The following ZNF438 variants were observed in gnomAD, a reference collection of about 807,000 sequenced individuals.
ZNF438 encodes the protein zinc finger protein 438.
A neutral mutation model predicts 38.0 loss-of-function variants in ZNF438; 25 were observed. The ratio of observed to expected loss-of-function variants is 0.66; its 90% CI spans 0.48 to 0.92. The LOEUF is 0.92. Among genes scored for constraint, ZNF438 ranks in the 40% least tolerant of loss-of-function variants. The probability of loss-of-function intolerance (pLI) is 0.00; values close to 1 mark genes in which losing one functional copy is unlikely to be tolerated. For missense variants in ZNF438, 1,007 were observed against 999.6 expected (o/e 1.01, Z -0.10); for synonymous variants, 372 against 364.1 (o/e 1.02, Z -0.25).
intron 4 of ZNF438, chr10:30,857,686 T>C (rs16932010): frequency 0.18 from 265,968 of 1,506,924 alleles, 25,194 homozygotes; most frequent in African/African-American, 0.3. Flanking sequence ...TTACTATCCA[T>C]AGGACTCTGA....
chr10:30,856,535 A>AC (rs1811172312), intron 4 of ZNF438, among the ~76,000 whole-genome samples: 2 of 152,166 alleles, frequency 1.3e-5, no homozygotes, highest in South Asian at 4.1e-4. Context: ...ATTCCACTAC[A>AC]CATTTACAAG....
intron 4 of ZNF438, among the ~76,000 whole-genome samples, chr10:30,864,586 C>T (rs1380946796): frequency 6.6e-6 from 1 of 152,212 alleles, no homozygotes; most frequent in Non-Finnish European, 1.5e-5. Context: ...GTCTCAGTCT[C>T]CAGATCAGCA....
At position 31,030,020 on chromosome 10, in the gene ZNF438, C is replaced by T. The variant is rs150721065; in HGVS notation, c.-192+1813G>A. Among the ~76,000 whole-genome samples the T allele has an allele frequency of 1.4e-3, 215 of 152,328 alleles. 1 individual carries two copies. The highest frequency in any genetic ancestry group is 2.1e-3 in the Non-Finnish European group (145 of 68,030). On this transcript the variant is annotated intron_variant, in intron 1 of 5. Transcript: ENST00000413025. ...TCTTAACCTTTCTGTGTGTCAGTTG[C>T]CTCATCTATGAAAGGGAGATACTAG...
intron 3 of ZNF438, among the ~76,000 whole-genome samples, chr10:30,901,141 T>C (rs2041928692): frequency 6.6e-6 from 1 of 151,980 alleles, no homozygotes; most frequent in East Asian, 1.9e-4. Context: ...CTTATAACAG[T>C]TATAACTGAA....
chr10:30,902,442 T>TCA (rs2042122837), intron 3 of ZNF438, among the ~76,000 whole-genome samples: 1 of 152,180 alleles, frequency 6.6e-6, no homozygotes, highest in Non-Finnish European at 1.5e-5. Flanking sequence ...ATTGGTGCAT[T>TCA]CACAATCCCT....
chr10:30,866,766 G>A (rs2036501347), intron 4 of ZNF438, among the ~76,000 whole-genome samples: 1 of 152,120 alleles, frequency 6.6e-6, no homozygotes, highest in East Asian at 1.9e-4. Flanking sequence ...CCTGGGAGGT[G>A]GAGCTTGCAG....
intron 4 of ZNF438, among the ~76,000 whole-genome samples, chr10:30,868,853 C>T (rs933044682): frequency 6.6e-5 from 10 of 152,218 alleles, no homozygotes; most frequent in African/African-American, 2.2e-4. Context: ...AGTGAAATGT[C>T]TCCAACTGCT....
intron 1 of ZNF438, among the ~76,000 whole-genome samples, chr10:31,022,587 A>G (rs1036711812): frequency 3.3e-5 from 5 of 152,210 alleles, no homozygotes; most frequent in Admixed American, 2.0e-4. Context: ...ATCCTGGTGA[A>G]ACCATTACAT....
chr10:30,850,074 T>G, exon 5 of ZNF438: 1 of 1,614,106 alleles, frequency 6.2e-7, no homozygotes, highest in Non-Finnish European at 8.5e-7. Context: ...GGTAGGGACA[T>G]TCTGGGTTTC....
chr10:30,849,023 A>T, exon 5 of ZNF438: 1 of 1,614,190 alleles, frequency 6.2e-7, no homozygotes, highest in Non-Finnish European at 8.5e-7. Flanking sequence ...TAGGCCCCCA[A>T]GCATCTGGGA....
intron 1 of ZNF438, among the ~76,000 whole-genome samples, chr10:31,010,165 A>AAG (rs2055541758): frequency 6.6e-6 from 1 of 152,160 alleles, no homozygotes; most frequent in Non-Finnish European, 1.5e-5. Flanking sequence ...CATTTTTATA[A>AAG]TGCAGCAATG....
intron 2 of ZNF438, among the ~76,000 whole-genome samples, chr10:30,929,217 T>C (rs2045329073): frequency 6.6e-6 from 1 of 152,210 alleles, no homozygotes; most frequent in South Asian, 2.1e-4. Context: ...GGTGGGTTCT[T>C]GGTCTCACTG....
At chr10:30,934,038 C>T (rs890670785) in intron 2 of ZNF438, among the ~76,000 whole-genome samples, 29 of 151,598 alleles carry the variant, frequency 1.9e-4, no homozygotes, top group African/African-American at 6.5e-4. Context: ...CCCAGCTACT[C>T]GGGAGGCTGA....
intron 1 of ZNF438, among the ~76,000 whole-genome samples, chr10:30,987,487 T>C (rs2052966555): frequency 6.6e-6 from 1 of 152,158 alleles, no homozygotes. Flanking sequence ...ATTCAAACAT[T>C]ACATTCAAAG....
intron 1 of ZNF438, among the ~76,000 whole-genome samples, chr10:31,022,121 TACG>T (rs1335618323): frequency 4.6e-5 from 7 of 152,322 alleles, no homozygotes; most frequent in African/African-American, 1.2e-4. Context: ...GTGGATTTTA[TACG>T]ACAACTGGCA....
intron 1 of ZNF438, among the ~76,000 whole-genome samples, chr10:30,995,905 G>A (rs925441442): frequency 7.9e-5 from 12 of 152,086 alleles, no homozygotes; most frequent in Non-Finnish European, 1.8e-4. Context: ...AAGACATAAA[G>A]TAAAAATTAC....
intron 1 of ZNF438, among the ~76,000 whole-genome samples, chr10:30,955,251 C>G (rs1462640991): frequency 6.6e-6 from 1 of 152,136 alleles, no homozygotes; most frequent in Admixed American, 6.5e-5. Context: ...AAATAAGGAA[C>G]ATAGGAAGAG....
chr10:30,856,353 T>C (rs2034623950), intron 4 of ZNF438, among the ~76,000 whole-genome samples: 1 of 152,236 alleles, frequency 6.6e-6, no homozygotes. Flanking sequence ...AGGCCAGTTA[T>C]GCTAGAATAA....
At chr10:30,975,255 G>A in intron 1 of ZNF438, among the ~76,000 whole-genome samples, 1 of 152,090 alleles carries the variant, frequency 6.6e-6, no homozygotes, top group Non-Finnish European at 1.5e-5. Flanking sequence ...AAAAAACTAG[G>A]AAAGCCCCAT....
Sources: allele counts gnomAD v4.1 joint callset (sites outside exome capture counted in the v4.1 genomes callset), GRCh38; gene constraint gnomAD v4.1.1; transcripts MANE v1.5; gene names NCBI Gene and HGNC (gene_info 2026-07-23, HGNC 2026-07-21).